Variants in PI16 observed in about 807,000 individuals in gnomAD.
PI16 encodes peptidase inhibitor 16, also known as PSP94-binding protein.
In PI16, 35 loss-of-function variants were observed where a neutral mutation model predicts 38.0. The observed-to-expected ratio is 0.92, with a 90% CI of 0.70 to 1.22. The LOEUF (loss-of-function observed/expected upper bound fraction) is 1.22. PI16 is among the 50% of genes most tolerant of loss of function. The pLI is 0.00. For synonymous variants in PI16, 275 were observed against 252.9 expected (o/e 1.09, Z -0.83); for missense variants, 572 against 593.8 (o/e 0.96, Z 0.38).
intron 1 of PI16, among the ~76,000 whole-genome samples, chr6:36,949,574 G>A (rs1763067482): frequency 6.6e-6 from 1 of 152,156 alleles, no homozygotes; most frequent in Non-Finnish European, 1.5e-5. Flanking sequence ...AATCTGGTCA[G>A]TCTTCTTTCC....
intron 2 of PI16, among the ~76,000 whole-genome samples, chr6:36,959,696 G>C (rs1033291408): frequency 3.3e-5 from 5 of 152,074 alleles, no homozygotes; most frequent in Non-Finnish European, 7.4e-5. Context: ...AACATGGCGA[G>C]ATCCCTGTCC....
rs887400780 is a variant in PI16 at position 36,962,551 on chromosome 6, G to A, written c.593-384G>A. On this transcript the variant is annotated intron_variant, in intron 4 of 6. Coordinates refer to ENST00000373674, the MANE Select transcript of PI16 (RefSeq NM_153370.3). This position sits in a 1 kb window ranked among gnomAD's most constrained non-coding sequence, Gnocchi z 4.1. Reference sequence around the variant, plus strand: ...GCAATGGCTCGATCTCGGCTCACCTGCAACCTCCGCCTCCCGGTTTGAAGC... The same window carrying A: ...GCAATGGCTCGATCTCGGCTCACCTACAACCTCCGCCTCCCGGTTTGAAGC... Among the ~76,000 whole-genome samples, 1 of 152,020 alleles carries A rather than the reference G, an allele frequency of 6.6e-6. No individual in the cohort carries two copies. Among genetic ancestry groups the A allele is most frequent in the African/African-American group, 2.4e-5 (1 of 41,374 alleles).
intron 2 of PI16, 77 bp downstream of exon 2, chr6:36,959,443 C>A: frequency 2.1e-6 from 3 of 1,395,868 alleles, no homozygotes; most frequent in East Asian, 2.5e-5. Context: ...GGCGGGGCCA[C>A]CTCTGCCTTC....
At chr6:36,953,115 C>T (rs1763126905), upstream of PI16, among the ~76,000 whole-genome samples, 1 of 152,076 alleles carries the variant, frequency 6.6e-6, no homozygotes, top group Non-Finnish European at 1.5e-5. Flanking sequence ...GTCAAGAGAT[C>T]AAGACCATTT....
chr6:36,956,992 G>A (rs1583231575), intron 1 of PI16, among the ~76,000 whole-genome samples: 1 of 152,048 alleles, frequency 6.6e-6, no homozygotes, highest in African/African-American at 2.4e-5. Context: ...GCACAATCCT[G>A]GTTCAGGTTT....
At chr6:36,961,752 G>C in intron 3 of PI16, 134 bp from the exon 4 acceptor site, 1 of 932,366 alleles carries the variant, frequency 1.1e-6, no homozygotes, top group Non-Finnish European at 1.7e-6. Context: ...AGGAGCCCAA[G>C]TTCGCCCAGC....
chr6:36,958,130 C>T (rs1763252856), intron 1 of PI16, among the ~76,000 whole-genome samples: 1 of 152,124 alleles, frequency 6.6e-6, no homozygotes, highest in Non-Finnish European at 1.5e-5. Flanking sequence ...TAGGTGTGGC[C>T]ACACAGCCAC....
At chr6:36,955,531 G>C (rs548195443) in intron 1 of PI16, among the ~76,000 whole-genome samples, 2 of 152,290 alleles carry the variant, frequency 1.3e-5, no homozygotes, top group African/African-American at 4.8e-5. Flanking sequence ...GGCAAGTCCT[G>C]TAACCTTGCC....
chr6:36,959,390 G>A (rs761015733), intron 2 of PI16, 24 bp downstream of exon 2: 177 of 1,534,476 alleles, frequency 1.2e-4, no homozygotes, highest in Non-Finnish European at 1.5e-4. Context: ...GGGCGAGGCG[G>A]GGCGGAGCCT....
intron 1 of PI16, among the ~76,000 whole-genome samples, chr6:36,958,883 C>T (rs1322370993): frequency 6.6e-6 from 1 of 152,276 alleles, no homozygotes; most frequent in African/African-American, 2.4e-5. Context: ...ATCCACTCTT[C>T]CCAGCCCTCT....
intron 1 of PI16, among the ~76,000 whole-genome samples, chr6:36,948,607 TTTC>T (rs1267185440): frequency 1.4e-4 from 16 of 112,104 alleles, no homozygotes; most frequent in Non-Finnish European, 2.9e-4. Context: ...TCTGTGTTTC[TTTC>T]TTTTTTTTTT....
chr6:36,962,042 A>T lies in PI16; in HGVS notation c.592+68A>T. 1.5e-6 allele frequency: 2 copies of T among 1,368,878 alleles called. No homozygotes were observed. The highest frequency in any genetic ancestry group is 2.1e-6 in the Non-Finnish European group (2 of 957,418). The allele number at this position is 1,368,878 out of a possible 1,614,324, so 84.8% of individuals were successfully genotyped here. On this transcript the variant is annotated intron_variant, in intron 4 of 6. Transcript: ENST00000373674. This position sits in a 1 kb window ranked among gnomAD's most constrained non-coding sequence, Gnocchi z 4.1. Reference sequence around the variant, plus strand: ...TGATGCGATGCAGACTGGATGGTCTAAGAGCCTCCCTGGACTGAGCGGGAC... The same window carrying T: ...TGATGCGATGCAGACTGGATGGTCTTAGAGCCTCCCTGGACTGAGCGGGAC...
At chr6:36,957,373 G>C (rs1763234423) in intron 1 of PI16, among the ~76,000 whole-genome samples, 1 of 152,162 alleles carries the variant, frequency 6.6e-6, no homozygotes, top group Non-Finnish European at 1.5e-5. Context: ...CACTTAGCTT[G>C]GTGTCTCCCT....
intron 2 of PI16, among the ~76,000 whole-genome samples, chr6:36,960,272 T>G (rs1407005397): frequency 6.6e-6 from 1 of 151,788 alleles, no homozygotes; most frequent in East Asian, 1.9e-4. Context: ...CAGTCACACT[T>G]TGCTCCTGTC....
At chr6:36,953,150 C>A (rs147880571), upstream of PI16, among the ~76,000 whole-genome samples, 1 of 152,000 alleles carries the variant, frequency 6.6e-6, no homozygotes, top group Non-Finnish European at 1.5e-5. Context: ...AACCCCATCT[C>A]TACTAAAAAT....
rs1404418339 is a variant in PI16 at position 36,959,376 on chromosome 6, C to G, written c.393+10C>G. 2.6e-6 allele frequency: 4 copies of G among 1,544,386 alleles called. No individual in the cohort carries two copies. The highest frequency in any genetic ancestry group is 3.5e-6 in the Non-Finnish European group (4 of 1,144,426). ...CGGCCACTACACGCAGGTGTGGGCC[C>G]GGCGGGCGAGGCGGGGCGGAGCCTC... is the stretch of plus-strand genomic sequence containing the variant. On this transcript the variant is annotated intron_variant, in intron 2 of 6. Coordinates refer to ENST00000373674, the MANE Select transcript of PI16 (RefSeq NM_153370.3).
chr6:36,949,136 T>C (rs1763061867), intron 1 of PI16, among the ~76,000 whole-genome samples: 1 of 150,962 alleles, frequency 6.6e-6, no homozygotes, highest in African/African-American at 2.4e-5. Flanking sequence ...TCTTCCTCTC[T>C]TTCTTTCTTC....
rs753836658 is a variant in PI16, at chr6:36,954,893, G to A, written c.133G>A (p.Ala45Thr). The A allele has an allele frequency of 1.9e-6, 3 of 1,613,778 alleles. No individual in the cohort carries two copies. Among genetic ancestry groups the A allele is most frequent in the Non-Finnish European group, 2.5e-6 (3 of 1,180,014 alleles). ...GGTGGAGCTGCACAACCTCTACCGGGCCCAGGTATCCCCGACGGCCTCAGA... is the reference window on the plus strand; with the variant it reads ...GGTGGAGCTGCACAACCTCTACCGGACCCAGGTATCCCCGACGGCCTCAGA... ...LMVELHNLYR[A>T]QVSPTASDML... Residue 45 changes from alanine to threonine, a missense_variant, in exon 1 of 7, where the codon GCC becomes ACC. Transcript: ENST00000373674.
intron 2 of PI16, among the ~76,000 whole-genome samples, chr6:36,959,774 G>A (rs1338421585): frequency 1.3e-5 from 2 of 151,920 alleles, no homozygotes; most frequent in African/African-American, 4.8e-5. Flanking sequence ...AGGCGGAGGT[G>A]GAAGGATCAC....
Sources: gnomAD v4.1 joint callset for allele counts (sites outside exome capture counted in the v4.1 genomes callset) on GRCh38, gnomAD v4.1.1 for gene constraint, Gnocchi (gnomAD v3.1) non-coding constraint, MANE v1.5 for transcripts, NCBI Gene and HGNC (gene_info 2026-07-23, HGNC 2026-07-21) for gene names.